Variants in BTD observed in about 807,000 individuals in gnomAD.
The protein encoded by BTD is biocytinase.
BTD carries 13 observed loss-of-function variants against 17.7 expected under a neutral mutation model. That is an observed-to-expected ratio of 0.74 (90% CI 0.48 to 1.17). The LOEUF (loss-of-function observed/expected upper bound fraction) is 1.17. BTD is among the 50% of genes most tolerant of loss of function. BTD has a pLI of 0.00. For missense variants in BTD, 674 were observed against 650.4 expected (o/e 1.04, Z -0.39); for synonymous variants, 240 against 245.2 (o/e 0.98, Z 0.20).
chr3:15,657,092 T>TAC (rs755830928), downstream of BTD, among the ~76,000 whole-genome samples: 4 of 152,164 alleles, frequency 2.6e-5, no homozygotes, highest in Non-Finnish European at 4.4e-5. Context: ...CTGAGGATAG[T>TAC]CAGACTTCTA....
intron 3 of BTD, among the ~76,000 whole-genome samples, chr3:15,666,731 A>C (rs2066001567): frequency 6.6e-6 from 1 of 151,964 alleles, no homozygotes; most frequent in Non-Finnish European, 1.5e-5. Context: ...CAATATATCT[A>C]CTCTATCCCA....
At chr3:15,708,984 A>G (rs548083478) in intron 3 of BTD, among the ~76,000 whole-genome samples, 2 of 152,244 alleles carry the variant, frequency 1.3e-5, no homozygotes, top group African/African-American at 4.8e-5. Flanking sequence ...ACCAATTCCA[A>G]CTGCCTTCAA....
chr3:15,644,157 C>T (rs1229176323), intron 3 of BTD, among the ~76,000 whole-genome samples, 159 bp from the exon 4 acceptor site: 5 of 152,022 alleles, frequency 3.3e-5, no homozygotes, highest in African/African-American at 1.2e-4. Context: ...TCCACCACCA[C>T]GCCCGGCTAA....
chr3:15,613,205 T>A (rs2064686536), intron 1 of BTD, among the ~76,000 whole-genome samples: 2 of 152,118 alleles, frequency 1.3e-5, no homozygotes, highest in South Asian at 4.2e-4. Context: ...ATACAAGGAG[T>A]CACCTTAGGG....
At chr3:15,613,750 T>G (rs1310294138) in intron 1 of BTD, among the ~76,000 whole-genome samples, 1 of 152,204 alleles carries the variant, frequency 6.6e-6, no homozygotes, top group South Asian at 2.1e-4. Context: ...TTTTATTTAC[T>G]CATTTTTGAG....
intron 3 of BTD, chr3:15,684,966 A>AAGAAG (rs2125753776): frequency 2.4e-6 from 1 of 422,130 alleles, no homozygotes; most frequent in East Asian, 4.8e-5. Context: ...AAAACTAAAA[A>AAGAAG]AGAAAAGAAA....
chr3:15,704,783 C>A (rs1381515044), intron 3 of BTD, among the ~76,000 whole-genome samples: 2 of 152,194 alleles, frequency 1.3e-5, no homozygotes, highest in African/African-American at 2.4e-5. Flanking sequence ...TAAAAGGATG[C>A]CTCTGGTATC....
chr3:15,636,276 G>C (rs73817036), intron 2 of BTD, among the ~76,000 whole-genome samples: 5 of 152,162 alleles, frequency 3.3e-5, no homozygotes, highest in African/African-American at 1.2e-4. Context: ...TTTGAGGCTC[G>C]TTTCCGGTCT....
chr3:15,674,691 C>T (rs978594164), intron 3 of BTD, among the ~76,000 whole-genome samples: 6 of 151,664 alleles, frequency 4.0e-5, no homozygotes, highest in African/African-American at 1.5e-4. Flanking sequence ...GCAAAAAGAA[C>T]GAAGAATTGA....
Position 15,647,136 on chromosome 3 carries a change from C to A in BTD, c.*1648C>A, listed in dbSNP as rs2065713270. 1 of 152,254 alleles carries A rather than the reference C, an allele frequency of 6.6e-6. No individual in the cohort carries two copies. Among genetic ancestry groups the A allele is most frequent in the African/African-American group, 2.4e-5 (1 of 41,442 alleles). 9.4% of individuals were successfully genotyped at this position (152,254 alleles called of 1,614,324 possible). A position where few individuals can be genotyped will look rare whatever the true frequency, so the allele number is the denominator to read the frequency against. ...TTGGGTTCCCCACGCCCTAGGAAGT[C>A]CCTCTGGAAGGGGAGCAGGACCTCT... is the stretch of plus-strand genomic sequence containing the variant. On this transcript the variant is annotated 3_prime_UTR_variant, in exon 4 of 4. Transcript: ENST00000643237.
intron 3 of BTD, chr3:15,697,204 G>C (rs935647574): frequency 6.6e-6 from 1 of 152,234 alleles, no homozygotes; most frequent in Non-Finnish European, 1.5e-5. Context: ...AACGAATATC[G>C]TATGTTCTCG....
chr3:15,696,270 TG>T (rs758972606), intron 3 of BTD: 1 of 1,405,286 alleles, frequency 7.1e-7, no homozygotes, highest in Non-Finnish European at 9.8e-7. Context: ...AACAACATAC[TG>T]AAAATCCTAA....
intron 1 of BTD, among the ~76,000 whole-genome samples, chr3:15,615,906 G>A (rs2064777080): frequency 1.3e-5 from 2 of 152,180 alleles, no homozygotes; most frequent in East Asian, 3.8e-4. Context: ...ACAGTATGTA[G>A]CCTTTACAGA....
At chr3:15,683,195 T>A (rs1041918994) in intron 3 of BTD, among the ~76,000 whole-genome samples, 4 of 152,132 alleles carry the variant, frequency 2.6e-5, no homozygotes, top group Admixed American at 1.3e-4. Flanking sequence ...AGGGATATAT[T>A]TTTTTAAAAA....
At chr3:15,626,205 CCCA>C (rs1476619299) in intron 1 of BTD, among the ~76,000 whole-genome samples, 3 of 152,146 alleles carry the variant, frequency 2.0e-5, no homozygotes, top group Non-Finnish European at 1.5e-5. Context: ...ATCAACCTCC[CCCA>C]CCACCACCAC....
chr3:15,643,884 C>G (rs553837076), intron 3 of BTD, among the ~76,000 whole-genome samples: 2 of 123,818 alleles, frequency 1.6e-5, no homozygotes, highest in African/African-American at 3.2e-5. Context: ...TAACAAGACC[C>G]TGTCTCTGAA....
chr3:15,674,335 G>A (rs943943638), intron 3 of BTD, among the ~76,000 whole-genome samples: 3 of 152,156 alleles, frequency 2.0e-5, no homozygotes, highest in African/African-American at 7.2e-5. Context: ...TATGCTGATG[G>A]ACTATACATT....
At chr3:15,631,642 T>G in intron 1 of BTD, 1 of 706,076 alleles carries the variant, frequency 1.4e-6, no homozygotes, top group Non-Finnish European at 2.3e-6. Flanking sequence ...GGGGGAATGT[T>G]TTCCTTATGA....
At chr3:15,675,755 T>C in intron 3 of BTD, 1 of 617,874 alleles carries the variant, frequency 1.6e-6, no homozygotes, top group Non-Finnish European at 2.6e-6. Flanking sequence ...TTTGCCCTTA[T>C]TCCTTTGCCA....
Sources: allele counts gnomAD v4.1 joint callset (sites outside exome capture counted in the v4.1 genomes callset), GRCh38; gene constraint gnomAD v4.1.1; transcripts MANE v1.5; gene names NCBI Gene and HGNC (gene_info 2026-07-23, HGNC 2026-07-21).